VAT1L: variants seen among roughly 807,000 people sequenced by gnomAD.
The protein encoded by VAT1L is putative NADPH-dependent quinone oxidoreductase VAT1L.
VAT1L carries 34 observed loss-of-function variants against 44.1 expected under a neutral mutation model. That is an observed-to-expected ratio of 0.77 (90% CI 0.59 to 1.03). The LOEUF is 1.03. VAT1L is among the 50% of genes least tolerant of loss of function. The pLI, the probability that VAT1L is intolerant of heterozygous loss-of-function variation, is 0.00. For synonymous variants in VAT1L, 253 were observed against 202.2 expected, an observed-to-expected ratio of 1.25 and a Z score of -2.13; for missense variants, 615 against 538.8, an observed-to-expected ratio of 1.14 and a Z score of -1.40.
chr16:77,972,174 A>T (rs1349459778), intron 8 of VAT1L, among the ~76,000 whole-genome samples: 1 of 152,214 alleles, frequency 6.6e-6, no homozygotes, highest in Non-Finnish European at 1.5e-5. Flanking sequence ...CATAGGCAGG[A>T]AAGCATAGCA....
intron 7 of VAT1L, among the ~76,000 whole-genome samples, chr16:77,928,983 GT>G (rs2142500382): frequency 6.6e-6 from 1 of 152,106 alleles, no homozygotes; most frequent in African/African-American, 2.4e-5. Context: ...CCCGGTAAAA[GT>G]TTTTGTATTT....
intron 7 of VAT1L, among the ~76,000 whole-genome samples, chr16:77,889,096 G>A (rs1336020788): frequency 6.6e-6 from 1 of 152,156 alleles, no homozygotes; most frequent in Admixed American, 6.5e-5. Flanking sequence ...CTGAAGGACT[G>A]TAATGATTTT....
At chr16:77,885,677 C>A (rs941205772) in intron 7 of VAT1L, among the ~76,000 whole-genome samples, 1 of 151,516 alleles carries the variant, frequency 6.6e-6, no homozygotes, top group Non-Finnish European at 1.5e-5. Context: ...GAGGGAAGTG[C>A]CTTATGGTAC....
intron 7 of VAT1L, among the ~76,000 whole-genome samples, chr16:77,926,628 A>C (rs1404413136): frequency 6.6e-6 from 1 of 152,118 alleles, no homozygotes; most frequent in East Asian, 1.9e-4. Context: ...ACGGTGGTTG[A>C]TTAAGGACAT....
At chr16:77,901,153 C>CTTTTTTTTTTTTT (rs538577571) in intron 7 of VAT1L, among the ~76,000 whole-genome samples, 1 of 89,994 alleles carries the variant, frequency 1.1e-5, no homozygotes, top group African/African-American at 4.8e-5. Flanking sequence ...AGTAGTTTAC[C>CTTTTTTTTTTTTT]TTTTTTTTTT....
intron 7 of VAT1L, among the ~76,000 whole-genome samples, chr16:77,926,058 C>T (rs1369220578): frequency 4.7e-5 from 7 of 150,200 alleles, no homozygotes; most frequent in Admixed American, 2.0e-4. Flanking sequence ...GTCAGGAGAT[C>T]GAGACCATCC....
chr16:77,838,405 T>C (rs1387873338), intron 3 of VAT1L, among the ~76,000 whole-genome samples: 3 of 152,232 alleles, frequency 2.0e-5, no homozygotes, highest in Non-Finnish European at 4.4e-5. Flanking sequence ...ATGTTGGCCC[T>C]GGCCCCCCAT....
At chr16:77,971,116 G>A (rs1432163868) in intron 7 of VAT1L, among the ~76,000 whole-genome samples, 1 of 151,962 alleles carries the variant, frequency 6.6e-6, no homozygotes, top group Non-Finnish European at 1.5e-5. Context: ...GCCCTTTCTG[G>A]ATTTCATTTA....
In VAT1L at chr16:77,816,917, A is replaced by T; in HGVS notation, c.234-4A>T. 1 of 1,611,800 alleles carries T rather than the reference A, an allele frequency of 6.2e-7. No individual in the cohort carries two copies. The highest frequency in any genetic ancestry group is 8.5e-7 in the Non-Finnish European group (1 of 1,179,056). On this transcript the variant is annotated splice_region_variant and splice_polypyrimidine_tract_variant and intron_variant, in intron 1 of 8. Coordinates refer to ENST00000302536, the MANE Select transcript of VAT1L (RefSeq NM_020927.3). Reference sequence around the variant, plus strand: ...TTCTCTCCTTTCACATTTGCTCTTTACAGTGGATTAAACTTCATTGACTTG... The same window carrying T: ...TTCTCTCCTTTCACATTTGCTCTTTTCAGTGGATTAAACTTCATTGACTTG...
chr16:77,821,316 T>TC (rs1263504420), intron 2 of VAT1L, among the ~76,000 whole-genome samples: 1 of 151,504 alleles, frequency 6.6e-6, no homozygotes, highest in Non-Finnish European at 1.5e-5. Context: ...TTTTTTTTTT[T>TC]CGAGATGGGA....
intron 6 of VAT1L, among the ~76,000 whole-genome samples, chr16:77,881,204 G>A (rs939153482): frequency 1.3e-5 from 2 of 152,014 alleles, no homozygotes; most frequent in African/African-American, 4.8e-5. Flanking sequence ...GTTTATTTTT[G>A]CCCCCTCTAC....
chr16:77,836,875 G>T (rs1247301520), intron 3 of VAT1L, among the ~76,000 whole-genome samples: 5 of 152,154 alleles, frequency 3.3e-5, no homozygotes, highest in Admixed American at 2.0e-4. Context: ...TGCAATATTA[G>T]TTGAATAAAT....
intron 3 of VAT1L, among the ~76,000 whole-genome samples, chr16:77,827,341 G>T (rs933289144): frequency 6.6e-6 from 1 of 152,134 alleles, no homozygotes; most frequent in Admixed American, 6.5e-5. Context: ...CTGAGAATTA[G>T]TATTTATACA....
intron 3 of VAT1L, among the ~76,000 whole-genome samples, chr16:77,830,684 C>G (rs571240695): frequency 6.6e-6 from 1 of 152,240 alleles, no homozygotes; most frequent in African/African-American, 2.4e-5. Context: ...CATTAAACCT[C>G]TTATTCTTTT....
At chr16:77,793,308 A>G (rs1223696257) in intron 1 of VAT1L, among the ~76,000 whole-genome samples, 1 of 152,022 alleles carries the variant, frequency 6.6e-6, no homozygotes, top group Non-Finnish European at 1.5e-5. Flanking sequence ...TTGTCGAGAC[A>G]GAGTCTATGT....
At chr16:77,887,794 C>T (rs1365818841) in intron 7 of VAT1L, among the ~76,000 whole-genome samples, 5 of 152,160 alleles carry the variant, frequency 3.3e-5, no homozygotes, top group Non-Finnish European at 7.3e-5. Context: ...TTAGCACTGT[C>T]GTCTAAGCTG....
At chr16:77,828,663 CAAAAAAAT>C (rs765960342) in intron 3 of VAT1L, among the ~76,000 whole-genome samples, 34 of 150,284 alleles carry the variant, frequency 2.3e-4, no homozygotes, top group African/African-American at 7.8e-4. Context: ...AACTCCATCT[CAAAAAAAT>C]AAAAAAATAA....
chr16:77,821,300 C>CT (rs753506804), intron 2 of VAT1L, among the ~76,000 whole-genome samples: 2,042 of 135,176 alleles, frequency 0.015, 22 homozygotes, highest in African/African-American at 0.042. Flanking sequence ...GAAATCTTGT[C>CT]TTTTTTTTTT....
rs1597127999 is a variant in VAT1L, at chr16:77,971,757, T to C, written c.1078-93T>C. The C allele has an allele frequency of 3.7e-6, 5 of 1,335,610 alleles. No homozygotes were observed. The East Asian group carries it at 9.5e-5, about 25-fold the overall frequency. 82.7% of individuals were successfully genotyped at this position (1,335,610 alleles called of 1,614,324 possible). ...AAACTTGAGCCGCAGCGCCCTCTGG[T>C]GGTCACTTGACAGTTTGAGTTCTCC... On this transcript the variant is annotated intron_variant, in intron 7 of 8. Coordinates refer to ENST00000302536, the MANE Select transcript of VAT1L (RefSeq NM_020927.3).
Sources: gnomAD v4.1 joint callset for allele counts (sites outside exome capture counted in the v4.1 genomes callset) on GRCh38, gnomAD v4.1.1 for gene constraint, MANE v1.5 for transcripts, NCBI Gene and HGNC (gene_info 2026-07-23, HGNC 2026-07-21) for gene names.